Variants in HPSE2 observed in about 807,000 individuals in gnomAD.
The protein encoded by HPSE2 is heparanase 2 (inactive).
HPSE2 carries 38 observed loss-of-function variants against 60.5 expected under a neutral mutation model. The ratio of observed to expected loss-of-function variants is 0.63; its 90% CI spans 0.48 to 0.82. The LOEUF is 0.82. HPSE2 is among the 40% of genes least tolerant of loss of function. The probability of loss-of-function intolerance (pLI) is 0.00; values close to 1 mark genes in which losing one functional copy is unlikely to be tolerated. For synonymous variants in HPSE2, 295 were observed against 293.2 expected (o/e 1.01, Z -0.06); for missense variants, 713 against 740.4 (o/e 0.96, Z 0.43).
At chr10:98,808,858 T>C (rs1951101948) in intron 3 of HPSE2, among the ~76,000 whole-genome samples, 1 of 152,172 alleles carries the variant, frequency 6.6e-6, no homozygotes, top group African/African-American at 2.4e-5. Flanking sequence ...CCTAGCTACA[T>C]AGCTCTGAAG....
chr10:98,926,679 A>T (rs1434367430), intron 3 of HPSE2, among the ~76,000 whole-genome samples: 1 of 152,190 alleles, frequency 6.6e-6, no homozygotes, highest in Non-Finnish European at 1.5e-5. Context: ...CATGAGACAT[A>T]CTTTTCCCAC....
chr10:99,101,899 A>T (rs1246412974), intron 3 of HPSE2, among the ~76,000 whole-genome samples: 2 of 152,254 alleles, frequency 1.3e-5, no homozygotes, highest in Admixed American at 6.5e-5. Flanking sequence ...GTACATAACG[A>T]AAAGAAGGCA....
At chr10:98,552,790 G>C (rs1943899991) in intron 9 of HPSE2, among the ~76,000 whole-genome samples, 1 of 151,988 alleles carries the variant, frequency 6.6e-6, no homozygotes, top group Non-Finnish European at 1.5e-5. Flanking sequence ...TCTTAGATTT[G>C]ATGATATGAG....
At chr10:99,140,823 G>T (rs975757065) in intron 3 of HPSE2, among the ~76,000 whole-genome samples, 1 of 152,182 alleles carries the variant, frequency 6.6e-6, no homozygotes, top group African/African-American at 2.4e-5. Flanking sequence ...CGGATCACAA[G>T]GTCAGGAGTT....
intron 9 of HPSE2, among the ~76,000 whole-genome samples, chr10:98,512,423 C>T (rs1253045814): frequency 6.6e-6 from 1 of 151,896 alleles, no homozygotes; most frequent in Non-Finnish European, 1.5e-5. Flanking sequence ...CTACTAAAAA[C>T]ACACACAAAA....
intron 10 of HPSE2, among the ~76,000 whole-genome samples, chr10:98,484,301 G>C (rs1467923366): frequency 6.6e-6 from 1 of 151,476 alleles, no homozygotes; most frequent in Admixed American, 6.6e-5. Flanking sequence ...GCAGTGGCAC[G>C]ATCTGGGCTC....
At chr10:98,757,991 C>A (rs151164210) in intron 3 of HPSE2, among the ~76,000 whole-genome samples, 1 of 152,066 alleles carries the variant, frequency 6.6e-6, no homozygotes, top group East Asian at 1.9e-4. Context: ...CAAAAACTGA[C>A]AAATAGGCCA....
At chr10:98,953,015 G>C (rs1460282242) in intron 3 of HPSE2, among the ~76,000 whole-genome samples, 2 of 152,174 alleles carry the variant, frequency 1.3e-5, no homozygotes, top group Admixed American at 1.3e-4. Context: ...AAAGAATGAT[G>C]ACTGTGACAC....
chr10:98,460,821 A>C (rs1228229624), intron 11 of HPSE2, among the ~76,000 whole-genome samples: 7 of 152,196 alleles, frequency 4.6e-5, no homozygotes, highest in African/African-American at 9.6e-5. Context: ...CTTATGCTGG[A>C]TAGAGGGAAA....
At chr10:99,194,206 T>A (rs894970252) in intron 2 of HPSE2, among the ~76,000 whole-genome samples, 11 of 151,904 alleles carry the variant, frequency 7.2e-5, no homozygotes, top group Non-Finnish European at 2.9e-5. Flanking sequence ...GAAGAAAATT[T>A]AAAAATTTCT....
At chr10:98,796,665 C>T (rs570236767) in intron 3 of HPSE2, among the ~76,000 whole-genome samples, 1 of 152,312 alleles carries the variant, frequency 6.6e-6, no homozygotes, top group Non-Finnish European at 1.5e-5. Flanking sequence ...AGACATTGAG[C>T]TTTGAGTGAA....
intron 3 of HPSE2, among the ~76,000 whole-genome samples, chr10:99,035,975 G>C (rs561909353): frequency 6.6e-6 from 1 of 152,142 alleles, no homozygotes; most frequent in Non-Finnish European, 1.5e-5. Flanking sequence ...ACATTGGAAG[G>C]CCAATGCAGA....
Position 98,665,854 on chromosome 10 carries a change from C to T in HPSE2, c.1005-23914G>A, listed in dbSNP as rs556427960. Reference sequence around the variant, plus strand: ...GTCACTCAAGCACATAGCCCACAGACAATATAAAGCAATTACACGATCAAA... The same window carrying T: ...GTCACTCAAGCACATAGCCCACAGATAATATAAAGCAATTACACGATCAAA... On this transcript the variant is annotated intron_variant, in intron 6 of 11. Transcript: ENST00000370552. 8.5e-5 allele frequency among the ~76,000 whole-genome samples: 13 copies of T among 152,194 alleles called. No homozygotes were observed. The South Asian group carries it at 2.7e-3, about 32-fold the overall frequency.
At chr10:99,013,202 A>T in intron 3 of HPSE2, 1 of 668,104 alleles carries the variant, frequency 1.5e-6, no homozygotes, top group South Asian at 1.4e-5. Context: ...GATCTTTAAT[A>T]GATGTTAGCT....
chr10:98,860,045 A>T (rs1183547919), intron 3 of HPSE2, among the ~76,000 whole-genome samples: 1 of 152,194 alleles, frequency 6.6e-6, no homozygotes, highest in Non-Finnish European at 1.5e-5. Flanking sequence ...TAAGTATAAG[A>T]GAAAAACATA....
intron 3 of HPSE2, among the ~76,000 whole-genome samples, chr10:98,818,786 C>T (rs1303352815): frequency 6.6e-6 from 1 of 152,122 alleles, no homozygotes; most frequent in Non-Finnish European, 1.5e-5. Flanking sequence ...CCTCAGTCAC[C>T]AAATCTATCC....
At chr10:99,182,640 T>C (rs1054060948) in intron 2 of HPSE2, among the ~76,000 whole-genome samples, 2 of 152,240 alleles carry the variant, frequency 1.3e-5, no homozygotes, top group South Asian at 4.2e-4. Flanking sequence ...AAAATCATAA[T>C]ATGATTTTTG....
the HPSE2 span, among the ~76,000 whole-genome samples, chr10:99,302,727 T>A: frequency 6.6e-6 from 1 of 151,882 alleles, no homozygotes; most frequent in Non-Finnish European, 1.5e-5. Context: ...CAAATTAGGT[T>A]TTCAAATCTT....
At chr10:99,045,995 A>G (rs1411776406) in intron 3 of HPSE2, among the ~76,000 whole-genome samples, 2 of 152,148 alleles carry the variant, frequency 1.3e-5, no homozygotes, top group African/African-American at 4.8e-5. Flanking sequence ...TAGGAAGCCA[A>G]CATCAGCCTA....
Sources: gnomAD v4.1 joint callset for allele counts (sites outside exome capture counted in the v4.1 genomes callset) on GRCh38, gnomAD v4.1.1 for gene constraint, MANE v1.5 for transcripts, NCBI Gene and HGNC (gene_info 2026-07-23, HGNC 2026-07-21) for gene names.